Variants in VSIG1 observed in about 807,000 individuals in gnomAD.
The protein encoded by VSIG1 is V-set and immunoglobulin domain-containing protein 1.
A neutral mutation model predicts 20.1 loss-of-function variants in VSIG1; 11 were observed. That is an observed-to-expected ratio of 0.55 (90% CI 0.34 to 0.91). VSIG1 has a LOEUF of 0.91. Ranked by LOEUF, VSIG1 falls within the 40% of genes least tolerant of loss-of-function variation. The pLI is 0.02. For missense variants in VSIG1, 283 were observed against 298.8 expected, an observed-to-expected ratio of 0.95 and a Z score of 0.39; for synonymous variants, 126 against 116.7, an observed-to-expected ratio of 1.08 and a Z score of -0.52.
At chrX:108,060,129 A>C (rs184118599) in intron 2 of VSIG1, among the ~76,000 whole-genome samples, 1 of 111,688 alleles carries the variant, frequency 9.0e-6, no homozygotes, top group East Asian at 2.8e-4. Context: ...AGCCCAGAAC[A>C]TCTCTTAGAA....
At chrX:108,040,371 G>C (rs1190309489), upstream of VSIG1, among the ~76,000 whole-genome samples, 1 of 111,717 alleles carries the variant, frequency 9.0e-6, no homozygotes, top group Admixed American at 9.5e-5. Context: ...CCACAGAGGA[G>C]GTTTACAGAG....
At chrX:108,052,242 A>G (rs1483346851) in intron 1 of VSIG1, among the ~76,000 whole-genome samples, 1 of 111,228 alleles carries the variant, frequency 9.0e-6, no homozygotes, top group African/African-American at 3.3e-5. Flanking sequence ...CTGTTCCCCA[A>G]AAAAGTATTC....
At chrX:108,051,196 G>A (rs766788447) in intron 1 of VSIG1, among the ~76,000 whole-genome samples, 1 of 110,858 alleles carries the variant, frequency 9.0e-6, no homozygotes. Context: ...GAACAGACAC[G>A]AGGCATAAAG....
At chrX:108,023,082 C>G in the VSIG1 span, among the ~76,000 whole-genome samples, 24 of 111,948 alleles carry the variant, frequency 2.1e-4, no homozygotes, top group Middle Eastern at 0.014. Flanking sequence ...CTCATGTATC[C>G]CTTTATAGCA....
the VSIG1 span, among the ~76,000 whole-genome samples, chrX:108,025,396 T>C: frequency 8.9e-6 from 1 of 112,066 alleles, no homozygotes; most frequent in Non-Finnish European, 1.9e-5. Context: ...TTTGTCCCCA[T>C]GGAAGGCAGG....
At chrX:108,039,742 T>C in the VSIG1 span, among the ~76,000 whole-genome samples, 17 of 110,038 alleles carry the variant, frequency 1.5e-4, no homozygotes, top group Admixed American at 1.7e-3. Flanking sequence ...GTGCTTAGAG[T>C]CTAGATAGGC....
At chrX:108,023,657 C>A in the VSIG1 span, among the ~76,000 whole-genome samples, 1 of 111,130 alleles carries the variant, frequency 9.0e-6, no homozygotes, top group African/African-American at 3.3e-5. Context: ...ATAGAGCTGA[C>A]CAAATGACAA....
chrX:108,046,411 T>C (rs1194512130), intron 1 of VSIG1, among the ~76,000 whole-genome samples: 2 of 111,487 alleles, frequency 1.8e-5, no homozygotes, highest in Non-Finnish European at 3.8e-5. Flanking sequence ...TTTTGTCTCT[T>C]CTTAAAGGGT....
the VSIG1 span, among the ~76,000 whole-genome samples, chrX:108,024,756 T>G: frequency 9.0e-6 from 1 of 111,258 alleles, no homozygotes; most frequent in Non-Finnish European, 1.9e-5. Flanking sequence ...TTGTGAATTT[T>G]CCAAATTTCC....
chrX:108,027,791 T>C, the VSIG1 span, among the ~76,000 whole-genome samples: 1 of 111,203 alleles, frequency 9.0e-6, no homozygotes, highest in African/African-American at 3.3e-5. Flanking sequence ...GAGAAGGGTC[T>C]GAGCTTCATT....
At chrX:108,059,395 T>C (rs1342138998) in intron 2 of VSIG1, among the ~76,000 whole-genome samples, 2 of 111,678 alleles carry the variant, frequency 1.8e-5, no homozygotes, top group Non-Finnish European at 3.8e-5. Context: ...ATTCCATCAA[T>C]GCCACTCTCT....
At chrX:108,040,702 T>C, upstream of VSIG1, among the ~76,000 whole-genome samples, 1 of 112,163 alleles carries the variant, frequency 8.9e-6, no homozygotes, top group Admixed American at 9.5e-5. Flanking sequence ...GGTACATTCA[T>C]ATCATGAAAT....
At chrX:108,072,557 A>AT (rs1212568572) in intron 3 of VSIG1, 120 bp from the exon 4 acceptor site, 37 of 815,028 alleles carry the variant, frequency 4.5e-5, no homozygotes, top group Admixed American at 6.3e-5. Context: ...CTGGCCAAGA[A>AT]TTTTTTTTAA....
At chrX:108,042,542 T>C (rs150206975), upstream of VSIG1, among the ~76,000 whole-genome samples, 1,558 of 111,709 alleles carry the variant, frequency 0.014, 29 homozygotes, top group African/African-American at 0.048. Context: ...TATAATCACT[T>C]ATGGGGCATG....
intron 1 of VSIG1, among the ~76,000 whole-genome samples, chrX:108,047,424 T>C (rs1231163494): frequency 9.0e-6 from 1 of 111,406 alleles, no homozygotes; most frequent in African/African-American, 3.3e-5. Context: ...ATTTGAAATA[T>C]GTATTAGTCA....
chrX:108,061,460 G>A (rs1238289739), intron 2 of VSIG1: 1 of 1,166,915 alleles, frequency 8.6e-7, no homozygotes, highest in Admixed American at 2.6e-5. Flanking sequence ...AGGGTATGGA[G>A]GAAAAGGCAG....
intron 2 of VSIG1, among the ~76,000 whole-genome samples, chrX:108,065,583 C>A (rs2031110760): frequency 8.9e-6 from 1 of 111,976 alleles, no homozygotes; most frequent in Non-Finnish European, 1.9e-5. Flanking sequence ...GATTTCCCAG[C>A]TTCAGTCATT....
At chrX:108,042,424 G>C (rs2030494971), upstream of VSIG1, among the ~76,000 whole-genome samples, 1 of 111,828 alleles carries the variant, frequency 8.9e-6, no homozygotes, top group African/African-American at 3.3e-5. Flanking sequence ...AGACACCCAG[G>C]TTTGTCTGGC....
rs1327175799 is a variant in VSIG1 at position 108,078,857 on chromosome X, C to T, written c.*1476C>T. ...TAGATAATTTCAACTAATTAAATAA[C>T]CTGTTTTACTGCCTGTACATTCCAC... On this transcript the variant is annotated 3_prime_UTR_variant, in exon 7 of 7. Transcript: ENST00000217957. 2.7e-5 allele frequency: 3 copies of T among 111,819 alleles called. No individual in the cohort carries two copies. Among genetic ancestry groups the T allele is most frequent in the Non-Finnish European group, 5.6e-5 (3 of 53,191 alleles). The allele number at this position is 111,819 out of a possible 1,213,427, so 9.2% of individuals were successfully genotyped here.
Sources: gnomAD v4.1 joint callset for allele counts (sites outside exome capture counted in the v4.1 genomes callset) on GRCh38, gnomAD v4.1.1 for gene constraint, MANE v1.5 for transcripts, NCBI Gene and HGNC (gene_info 2026-07-23, HGNC 2026-07-21) for gene names.